Variants in GLYATL2 observed in about 807,000 individuals in gnomAD.
GLYATL2 encodes the protein glycine N-acyltransferase-like protein 2.
A neutral mutation model predicts 21.4 loss-of-function variants in GLYATL2; 25 were observed. That is an observed-to-expected ratio of 1.17 (90% confidence interval 0.85 to 1.63). The LOEUF is 1.63. Ranked by LOEUF, GLYATL2 falls within the 40% of genes most tolerant of loss-of-function variation. The pLI, the probability that GLYATL2 is intolerant of heterozygous loss-of-function variation, is 0.00. For missense variants in GLYATL2, 361 were observed against 343.3 expected (o/e 1.05, Z -0.41); for synonymous variants, 114 against 118.2 (o/e 0.96, Z 0.23).
At chr11:58,852,523 A>T (rs1270329438) in intron 1 of GLYATL2, among the ~76,000 whole-genome samples, 2 of 152,198 alleles carry the variant, frequency 1.3e-5, no homozygotes, top group Non-Finnish European at 2.9e-5. Context: ...CAACTCTATG[A>T]GGTAATCATT....
intron 1 of GLYATL2, among the ~76,000 whole-genome samples, chr11:58,842,441 T>A (rs762117511): frequency 6.6e-6 from 1 of 151,846 alleles, no homozygotes; most frequent in Non-Finnish European, 1.5e-5. Flanking sequence ...TGCATGGATT[T>A]TCTCTGTCTA....
chr11:58,876,707 G>A (rs544846860), intron 1 of GLYATL2, among the ~76,000 whole-genome samples: 1 of 152,200 alleles, frequency 6.6e-6, no homozygotes, highest in Non-Finnish European at 1.5e-5. Context: ...CTACTGGGGG[G>A]TGCCTCCCAG....
intron 1 of GLYATL2, among the ~76,000 whole-genome samples, chr11:58,851,855 T>C (rs1426831338): frequency 1.3e-5 from 2 of 152,174 alleles, no homozygotes; most frequent in Admixed American, 6.5e-5. Flanking sequence ...TGTCTGTTAG[T>C]GGGATACACA....
chr11:58,855,973 TA>T (rs538353161), intron 1 of GLYATL2, among the ~76,000 whole-genome samples: 3 of 151,364 alleles, frequency 2.0e-5, no homozygotes, highest in South Asian at 2.1e-4. Context: ...AAAATAAAAA[TA>T]AAAAAAATCA....
chr11:58,859,324 T>TTC (rs35379649), intron 1 of GLYATL2, among the ~76,000 whole-genome samples: 133,457 of 150,798 alleles, frequency 0.89, 60,181 homozygotes, highest in Non-Finnish European at 0.98. Flanking sequence ...GTAGCATTCA[T>TTC]TCTCTCTCTC....
chr11:58,870,539 A>T (rs751795327), intron 1 of GLYATL2, among the ~76,000 whole-genome samples: 1 of 152,226 alleles, frequency 6.6e-6, no homozygotes, highest in Admixed American at 6.5e-5. Flanking sequence ...AGAAAAGACT[A>T]AAGACATTCT....
At chr11:58,899,712 G>C (rs1269409746) in intron 1 of GLYATL2, among the ~76,000 whole-genome samples, 1 of 152,110 alleles carries the variant, frequency 6.6e-6, no homozygotes, top group Admixed American at 6.6e-5. Context: ...TGGTCCACTA[G>C]GGTGAACAAA....
chr11:58,889,585 G>A (rs577000352), intron 1 of GLYATL2, among the ~76,000 whole-genome samples: 9 of 152,076 alleles, frequency 5.9e-5, no homozygotes, highest in South Asian at 2.1e-4. Flanking sequence ...TTAGAATGGA[G>A]GGTAAATTTT....
intron 1 of GLYATL2, among the ~76,000 whole-genome samples, chr11:58,865,799 A>T (rs1055309954): frequency 1.3e-5 from 2 of 149,158 alleles, no homozygotes; most frequent in African/African-American, 4.8e-5. Flanking sequence ...GCAGGGACTA[A>T]GCAAATAATG....
chr11:58,885,245 C>G (rs569860427), intron 1 of GLYATL2, among the ~76,000 whole-genome samples: 2 of 152,216 alleles, frequency 1.3e-5, no homozygotes, highest in African/African-American at 4.8e-5. Context: ...GGACACCTAT[C>G]TGTGAGTTCT....
chr11:58,862,080 T>G (rs1565096717), intron 1 of GLYATL2, among the ~76,000 whole-genome samples: 1 of 152,018 alleles, frequency 6.6e-6, no homozygotes, highest in African/African-American at 2.4e-5. Context: ...CAGATTTTGT[T>G]GGGAACAGTA....
At chr11:58,837,753 G>A (rs1445258146) in intron 3 of GLYATL2, among the ~76,000 whole-genome samples, 1 of 152,222 alleles carries the variant, frequency 6.6e-6, no homozygotes, top group Non-Finnish European at 1.5e-5. Flanking sequence ...TTTTTGACAA[G>A]GTGTCACCTG....
chr11:58,848,284 C>A (rs146300404), upstream of GLYATL2, among the ~76,000 whole-genome samples: 1 of 152,050 alleles, frequency 6.6e-6, no homozygotes. Context: ...CTCTTCAGTG[C>A]TCAGACACTG....
intron 1 of GLYATL2, among the ~76,000 whole-genome samples, chr11:58,902,996 G>C (rs1854765441): frequency 6.6e-6 from 1 of 152,180 alleles, no homozygotes; most frequent in African/African-American, 2.4e-5. Flanking sequence ...CTCTACTCTG[G>C]ACCTATAGCT....
At chr11:58,852,835 T>G (rs1853764988) in intron 1 of GLYATL2, among the ~76,000 whole-genome samples, 1 of 152,186 alleles carries the variant, frequency 6.6e-6, no homozygotes, top group Admixed American at 6.6e-5. Context: ...ATGTGAATTT[T>G]GAGGGAACAC....
At chr11:58,851,436 T>A (rs192583909) in intron 1 of GLYATL2, among the ~76,000 whole-genome samples, 1 of 152,348 alleles carries the variant, frequency 6.6e-6, no homozygotes, top group Non-Finnish European at 1.5e-5. Context: ...TAGGGATACA[T>A]CCCAGTTGGT....
chr11:58,906,099 C>T (rs1441295019), upstream of GLYATL2, among the ~76,000 whole-genome samples: 1 of 152,170 alleles, frequency 6.6e-6, no homozygotes, highest in African/African-American at 2.4e-5. Flanking sequence ...TCTGGTCAGG[C>T]TCGCCGGTTC....
chr11:58,842,476 C>G (rs954556347), intron 1 of GLYATL2, among the ~76,000 whole-genome samples: 6 of 134,850 alleles, frequency 4.4e-5, no homozygotes, highest in African/African-American at 1.7e-4. Flanking sequence ...GAGTGAGACT[C>G]TGTGTGTGTG....
intron 1 of GLYATL2, among the ~76,000 whole-genome samples, chr11:58,874,332 T>A (rs941697971): frequency 8.9e-4 from 135 of 152,350 alleles, no homozygotes; most frequent in Admixed American, 2.1e-3. Flanking sequence ...TTCTGCTAGC[T>A]TTTGAATGTG....
Sources: allele counts gnomAD v4.1 joint callset (sites outside exome capture counted in the v4.1 genomes callset), GRCh38; gene constraint gnomAD v4.1.1; transcripts MANE v1.5; gene names NCBI Gene and HGNC (gene_info 2026-07-23, HGNC 2026-07-21).